The following DOCK2 variants were observed in gnomAD, a reference collection of about 807,000 sequenced individuals.
DOCK2 encodes the protein dedicator of cytokinesis 2, also known as dedicator of cytokinesis protein 2.
Under a neutral mutation model 248.9 loss-of-function variants are expected in DOCK2, and 87 were observed. The ratio of observed to expected loss-of-function variants is 0.35; its 90% confidence interval spans 0.29 to 0.42. The LOEUF is 0.42. Among genes scored for constraint, DOCK2 ranks in the 10% least tolerant of loss-of-function variants. The probability of loss-of-function intolerance (pLI) is 1.00; values close to 1 mark genes in which losing one functional copy is unlikely to be tolerated. For missense variants in DOCK2, 1,747 were observed against 2,300.2 expected, an observed-to-expected ratio of 0.76 and a Z score of 4.92; for synonymous variants, 805 against 821.6, an observed-to-expected ratio of 0.98 and a Z score of 0.35.
chr5:169,889,847 C>T (rs1396521964), intron 27 of DOCK2, among the ~76,000 whole-genome samples: 1 of 152,224 alleles, frequency 6.6e-6, no homozygotes, highest in African/African-American at 2.4e-5. Context: ...CCGCTTTAGG[C>T]ACTGGGAAGT....
chr5:169,938,509 G>A (rs1443198845), intron 27 of DOCK2, among the ~76,000 whole-genome samples: 1 of 152,134 alleles, frequency 6.6e-6, no homozygotes, highest in Admixed American at 6.5e-5. Context: ...AATGTAATGT[G>A]TTTTTCTAAA....
At chr5:169,668,068 A>G (rs1049729705) in intron 2 of DOCK2, among the ~76,000 whole-genome samples, 9 of 152,120 alleles carry the variant, frequency 5.9e-5, no homozygotes, top group Non-Finnish European at 1.2e-4. Flanking sequence ...AAAACCTGAC[A>G]CTGCAACCTA....
chr5:170,016,910 T>C (rs1282538785), intron 32 of DOCK2, among the ~76,000 whole-genome samples: 1 of 152,198 alleles, frequency 6.6e-6, no homozygotes, highest in Non-Finnish European at 1.5e-5. Flanking sequence ...CTGTTGTTGT[T>C]ATTGTTTTCT....
At chr5:170,082,415 C>T (rs1455237273) in intron 51 of DOCK2, among the ~76,000 whole-genome samples, 1 of 152,238 alleles carries the variant, frequency 6.6e-6, no homozygotes, top group Non-Finnish European at 1.5e-5. Context: ...CATAACACAT[C>T]TGATCCTCAA....
intron 22 of DOCK2, among the ~76,000 whole-genome samples, chr5:169,745,803 G>A (rs1763578080): frequency 6.6e-6 from 1 of 152,194 alleles, no homozygotes; most frequent in African/African-American, 2.4e-5. Context: ...GTGGGGATTT[G>A]AACCCAAAGC....
At chr5:169,802,825 A>G (rs1472918623) in intron 25 of DOCK2, among the ~76,000 whole-genome samples, 1 of 152,248 alleles carries the variant, frequency 6.6e-6, no homozygotes, top group Non-Finnish European at 1.5e-5. Context: ...AGAACATACT[A>G]GAATATACAG....
At chr5:169,713,947 G>T in intron 17 of DOCK2, 81 bp from the exon 18 acceptor site, 1 of 1,453,532 alleles carries the variant, frequency 6.9e-7, no homozygotes, top group Non-Finnish European at 9.2e-7. Context: ...ACTTCACAGT[G>T]TCTAATTTGT....
chr5:170,057,000 T>C (rs2113858498), intron 43 of DOCK2: 1 of 496,606 alleles, frequency 2.0e-6, no homozygotes, highest in East Asian at 3.5e-5. Flanking sequence ...TCAGAGGCAC[T>C]TTTTCAACCA....
rs116503858 is a variant in DOCK2 at position 169,899,674 on chromosome 5, C to T, written c.2799+58822C>T. Among the ~76,000 whole-genome samples, 1,167 of 152,276 alleles carry T rather than the reference C, an allele frequency of 7.7e-3. 15 individuals are homozygous for T. Among genetic ancestry groups the T allele is most frequent in the African/African-American group, 0.027 (1,130 of 41,560 alleles). ...TGGAAATAGACCTCTCTACATACCACGTTTTGTTGGGAGATGGTATTGCCA... is the reference window on the plus strand; with the variant it reads ...TGGAAATAGACCTCTCTACATACCATGTTTTGTTGGGAGATGGTATTGCCA... On this transcript the variant is annotated intron_variant, in intron 27 of 51. Transcript: ENST00000520908.
At chr5:170,046,059 C>T (rs1756697822) in intron 39 of DOCK2, among the ~76,000 whole-genome samples, 154 bp downstream of exon 39, 2 of 152,190 alleles carry the variant, frequency 1.3e-5, no homozygotes, top group Admixed American at 6.5e-5. Context: ...CTGTACTGAG[C>T]ATCTCCCTTC....
At chr5:169,717,328 A>T in intron 20 of DOCK2, 56 bp from the exon 21 acceptor site, 2 of 1,462,912 alleles carry the variant, frequency 1.4e-6, no homozygotes, top group Non-Finnish European at 1.9e-6. Context: ...CCAGGTAAAG[A>T]TGGCTTCCTG....
At chr5:169,792,084 G>A (rs1460927936) in intron 25 of DOCK2, among the ~76,000 whole-genome samples, 1 of 152,218 alleles carries the variant, frequency 6.6e-6, no homozygotes, top group African/African-American at 2.4e-5. Flanking sequence ...TGGCATGAGG[G>A]AATAAGGGAT....
intron 27 of DOCK2, among the ~76,000 whole-genome samples, chr5:169,962,111 G>A (rs1356629808): frequency 6.6e-6 from 1 of 152,132 alleles, no homozygotes; most frequent in East Asian, 1.9e-4. Flanking sequence ...AGGGCTTCAC[G>A]CTTTATTGTG....
chr5:170,053,870 C>T (rs542459458), intron 41 of DOCK2, among the ~76,000 whole-genome samples: 58 of 152,232 alleles, frequency 3.8e-4, no homozygotes, highest in Non-Finnish European at 7.5e-4. Flanking sequence ...GTGAAAGAAC[C>T]ATAGTCTCTG....
chr5:169,689,932 C>G (rs1020898637), intron 9 of DOCK2, among the ~76,000 whole-genome samples: 3 of 152,000 alleles, frequency 2.0e-5, no homozygotes, highest in Non-Finnish European at 2.9e-5. Context: ...TTTCTGAGAG[C>G]GAAGCTGGCT....
chr5:169,869,765 G>T (rs767828614), intron 27 of DOCK2, among the ~76,000 whole-genome samples: 1 of 152,224 alleles, frequency 6.6e-6, no homozygotes, highest in Non-Finnish European at 1.5e-5. Flanking sequence ...GAGACTCTCT[G>T]CTTTGGGTTT....
At chr5:169,893,302 G>A (rs261069) in intron 27 of DOCK2, among the ~76,000 whole-genome samples, 122,010 of 152,144 alleles carry the variant, frequency 0.8, 49,673 homozygotes, top group African/African-American at 0.91. Context: ...CCAGGGGAAA[G>A]CCTTTACTAC....
intron 48 of DOCK2, 84 bp downstream of exon 48, chr5:170,077,921 A>G: frequency 8.7e-7 from 1 of 1,145,498 alleles, no homozygotes; most frequent in South Asian, 1.4e-5. Flanking sequence ...CTCCGGCAAC[A>G]TCCCTTCTAC....
At chr5:169,790,607 A>G (rs1320701395) in intron 25 of DOCK2, among the ~76,000 whole-genome samples, 1 of 152,258 alleles carries the variant, frequency 6.6e-6, no homozygotes, top group Non-Finnish European at 1.5e-5. Flanking sequence ...TGGACCAGGC[A>G]TTTGTAAAAT....
Sources: gnomAD v4.1 joint callset for allele counts (sites outside exome capture counted in the v4.1 genomes callset) on GRCh38, gnomAD v4.1.1 for gene constraint, MANE v1.5 for transcripts, NCBI Gene and HGNC (gene_info 2026-07-23, HGNC 2026-07-21) for gene names.